Variants in RABGAP1L observed in about 807,000 individuals in gnomAD.
RABGAP1L encodes rab GTPase-activating protein 1-like.
RABGAP1L carries 63 observed loss-of-function variants against 137.7 expected under a neutral mutation model. The observed-to-expected ratio is 0.46, with a 90% CI of 0.37 to 0.56. The LOEUF (loss-of-function observed/expected upper bound fraction) is 0.56, where lower values mean the gene tolerates loss of function less well. Ranked by LOEUF, RABGAP1L falls within the 20% of genes least tolerant of loss-of-function variation. RABGAP1L has a pLI of 0.00. For missense variants in RABGAP1L, 1,095 were observed against 1,244.0 expected (o/e 0.88, Z 1.80); for synonymous variants, 431 against 433.7 (o/e 0.99, Z 0.08).
chr1:174,756,521 A>G (rs902692018), intron 18 of RABGAP1L, among the ~76,000 whole-genome samples: 1 of 152,034 alleles, frequency 6.6e-6, no homozygotes, highest in Admixed American at 6.6e-5. Flanking sequence ...TTACAAGGAC[A>G]GTGACTTTTC....
chr1:174,166,853 G>T (rs558135581), intron 1 of RABGAP1L, among the ~76,000 whole-genome samples: 1 of 152,338 alleles, frequency 6.6e-6, no homozygotes, highest in Non-Finnish European at 1.5e-5. Flanking sequence ...CATCATGGAA[G>T]TGTGTGGAAA....
chr1:174,908,126 G>A (rs911300070), intron 19 of RABGAP1L, among the ~76,000 whole-genome samples: 1 of 152,166 alleles, frequency 6.6e-6, no homozygotes, highest in African/African-American at 2.4e-5. Flanking sequence ...GTATATTTTT[G>A]CACTCAGCAC....
chr1:174,589,785 T>C (rs944992693), intron 13 of RABGAP1L, among the ~76,000 whole-genome samples: 5 of 152,206 alleles, frequency 3.3e-5, no homozygotes, highest in Admixed American at 6.5e-5. Flanking sequence ...ATGGATTTAC[T>C]TCTGGATTCT....
intron 12 of RABGAP1L, among the ~76,000 whole-genome samples, chr1:174,377,833 G>T (rs184099801): frequency 0.018 from 2,496 of 141,226 alleles, 83 homozygotes; most frequent in African/African-American, 0.065. Flanking sequence ...TGTGCACATT[G>T]TGCAGGTTAG....
intron 19 of RABGAP1L, among the ~76,000 whole-genome samples, chr1:174,831,393 G>A (rs1213117079): frequency 2.0e-5 from 3 of 148,066 alleles, no homozygotes; most frequent in Non-Finnish European, 4.5e-5. Context: ...GTTTTTCAGG[G>A]TAAATGTTGC....
chr1:174,735,272 A>G (rs1386405747), intron 17 of RABGAP1L, among the ~76,000 whole-genome samples: 2 of 150,052 alleles, frequency 1.3e-5, no homozygotes, highest in East Asian at 4.1e-4. Context: ...CACCATGCCC[A>G]GCCATCTTAT....
intron 14 of RABGAP1L, among the ~76,000 whole-genome samples, chr1:174,647,466 ATG>A (rs758201003): frequency 6.6e-6 from 1 of 152,074 alleles, no homozygotes; most frequent in Non-Finnish European, 1.5e-5. Flanking sequence ...TGAGATAATC[ATG>A]TGGTTTTTGT....
intron 16 of RABGAP1L, chr1:174,701,014 C>T (rs1679605147): frequency 7.9e-7 from 1 of 1,269,488 alleles, no homozygotes; most frequent in African/African-American, 1.5e-5. Flanking sequence ...ATTTGAAGTA[C>T]CTAATGGGCA....
intron 13 of RABGAP1L, among the ~76,000 whole-genome samples, chr1:174,444,522 G>C (rs891672877): frequency 1.3e-5 from 2 of 151,992 alleles, no homozygotes; most frequent in Admixed American, 1.3e-4. Flanking sequence ...GTTGGTATTA[G>C]TTCTTCTTTA....
chr1:174,314,585 T>C (rs1298663454), intron 11 of RABGAP1L, among the ~76,000 whole-genome samples: 1 of 152,132 alleles, frequency 6.6e-6, no homozygotes, highest in Non-Finnish European at 1.5e-5. Flanking sequence ...TTAAGATGCA[T>C]CATTAGAAGG....
At chr1:174,397,543 G>A (rs1648019900) in intron 13 of RABGAP1L, among the ~76,000 whole-genome samples, 1 of 152,154 alleles carries the variant, frequency 6.6e-6, no homozygotes, top group African/African-American at 2.4e-5. Flanking sequence ...TCAGTCTTCA[G>A]TCTTTTGCCC....
intron 13 of RABGAP1L, among the ~76,000 whole-genome samples, chr1:174,634,678 A>T (rs1248863768): frequency 8.7e-6 from 1 of 115,270 alleles, no homozygotes. Flanking sequence ...TGTGGCACAT[A>T]TACACCATGG....
intron 13 of RABGAP1L, among the ~76,000 whole-genome samples, chr1:174,446,673 A>G (rs1176124040): frequency 6.6e-6 from 1 of 152,168 alleles, no homozygotes; most frequent in Non-Finnish European, 1.5e-5. Flanking sequence ...CTTGCAACCT[A>G]CCTAATGGCC....
chr1:174,865,733 AG>A (rs1651094512), intron 19 of RABGAP1L, among the ~76,000 whole-genome samples: 1 of 152,188 alleles, frequency 6.6e-6, no homozygotes, highest in Non-Finnish European at 1.5e-5. Context: ...CAGGAATTCA[AG>A]TCTGGCCTGG....
chr1:174,510,500 A>G (rs1162812869), intron 13 of RABGAP1L, among the ~76,000 whole-genome samples: 2 of 152,124 alleles, frequency 1.3e-5, no homozygotes, highest in African/African-American at 2.4e-5. Context: ...CTTCTCAGTA[A>G]GTTTTCTTTG....
chr1:174,834,142 C>A (rs1047818601), intron 19 of RABGAP1L, among the ~76,000 whole-genome samples: 1 of 152,086 alleles, frequency 6.6e-6, no homozygotes, highest in Non-Finnish European at 1.5e-5. Context: ...GAAGTAAATT[C>A]TAGGCCAGGC....
At chr1:174,668,241 AC>A (rs1249369946) in intron 14 of RABGAP1L, among the ~76,000 whole-genome samples, 1 of 152,114 alleles carries the variant, frequency 6.6e-6, no homozygotes. Flanking sequence ...GTATCCTTTG[AC>A]CAACATCTCA....
At chr1:174,720,786 A>G (rs935754711) in intron 17 of RABGAP1L, among the ~76,000 whole-genome samples, 17 of 152,210 alleles carry the variant, frequency 1.1e-4, no homozygotes, top group Non-Finnish European at 2.5e-4. Context: ...GTGAGTGCTT[A>G]CAGGAAAAAG....
At chr1:174,805,400 A>G (rs1029052065) in intron 18 of RABGAP1L, among the ~76,000 whole-genome samples, 3 of 152,266 alleles carry the variant, frequency 2.0e-5, no homozygotes, top group Non-Finnish European at 4.4e-5. Flanking sequence ...ATTGGTAAAC[A>G]TGGTTCATAT....
Sources: allele counts gnomAD v4.1 joint callset (sites outside exome capture counted in the v4.1 genomes callset), GRCh38; gene constraint gnomAD v4.1.1; transcripts MANE v1.5; gene names NCBI Gene and HGNC (gene_info 2026-07-23, HGNC 2026-07-21).